The following C8orf82 variants were observed in gnomAD, a reference collection of about 807,000 sequenced individuals.
C8orf82 encodes UPF0598 protein C8orf82.
C8orf82 carries 24 observed loss-of-function variants against 15.0 expected under a neutral mutation model. The ratio of observed to expected loss-of-function variants is 1.60; its 90% CI spans 1.16 to 2.24. C8orf82 has a LOEUF of 2.24. C8orf82 is among the 30% of genes most tolerant of loss of function. The pLI is 0.00. For missense variants in C8orf82, 388 were observed against 317.4 expected (o/e 1.22, Z -1.69); for synonymous variants, 205 against 152.2 (o/e 1.35, Z -2.55).
Position 144,527,554 on chromosome 8 carries a change from G to A in C8orf82, c.439C>T (p.Pro147Ser), listed in dbSNP as rs1268116649. Residue 147 changes from proline to serine, a missense_variant, in exon 3 of 3, where the codon CCC (proline) becomes TCC (serine). Physicochemically the swap from Pro to Ser is moderately conservative, Grantham distance 74. Coordinates refer to ENST00000524821, the MANE Select transcript of C8orf82 (RefSeq NM_001001795.2). ...AVPFEPARLLPLAANGRLYHP... is the reference protein window; with the variant it reads ...AVPFEPARLLSLAANGRLYHP... ...TACAGGCGCCCGTTGGCGGCCAGGG[G>A]CAGCAGGCGCGCCGGCTCGAAGGGC... 7.0e-6 allele frequency: 10 copies of A among 1,418,998 alleles called. No homozygotes were observed. The highest frequency in any genetic ancestry group is 9.1e-6 in the Non-Finnish European group (10 of 1,095,224). The allele number at this position is 1,418,998 out of a possible 1,614,324, so 87.9% of individuals were successfully genotyped here.
At position 144,526,891 on chromosome 8, in the gene C8orf82, A is replaced by T. The variant is rs549545574; in HGVS notation, c.*451T>A. 6.6e-6 allele frequency: 1 copy of T among 152,328 alleles called. No individual in the cohort carries two copies. The highest frequency in any genetic ancestry group is 1.5e-5 in the Non-Finnish European group (1 of 68,044). The allele number at this position is 152,328 out of a possible 1,614,324, so 9.4% of individuals were successfully genotyped here. A position where few individuals can be genotyped will look rare whatever the true frequency, so the allele number is the denominator to read the frequency against. On this transcript the variant is annotated 3_prime_UTR_variant, in exon 3 of 3. Coordinates refer to ENST00000524821, the MANE Select transcript of C8orf82 (RefSeq NM_001001795.2). ...GCCCTTCTCGGAGCGCACCAGGGTC[A>T]GAGCCGGGATGGTCCCCGATCCCCC...
chr8:144,527,821 T>C (rs775142920), intron 2 of C8orf82, 34 bp from the exon 3 acceptor site: 13 of 1,587,450 alleles, frequency 8.2e-6, no homozygotes, highest in Non-Finnish European at 1.1e-5. Flanking sequence ...CTCAGCGCGC[T>C]GGGCTCCCAA....
chr8:144,526,156 T>G lies in C8orf82; in HGVS notation c.*1186A>C, dbSNP rs182482866. On this transcript the variant is annotated 3_prime_UTR_variant, in exon 3 of 3. Coordinates refer to ENST00000524821, the MANE Select transcript of C8orf82 (RefSeq NM_001001795.2). ...TGGAAAGGGACAGGACCAAGTGGCC[T>G]TGGTGTTTAAATCTTGCCCTAAATT... 4 of 152,356 alleles carry G rather than the reference T, an allele frequency of 2.6e-5. No homozygotes were observed. Among genetic ancestry groups the G allele is most frequent in the East Asian group, 1.9e-4 (1 of 5,186 alleles). The allele number at this position is 152,356 out of a possible 1,614,324, so 9.4% of individuals were successfully genotyped here. A position where few individuals can be genotyped will look rare whatever the true frequency, so the allele number is the denominator to read the frequency against.
Position 144,527,737 on chromosome 8 carries a change from C to G in C8orf82, c.256G>C (p.Gly86Arg). The G allele has an allele frequency of 1.9e-6, 3 of 1,593,348 alleles. No individual in the cohort carries two copies. Among genetic ancestry groups the G allele is most frequent in the Non-Finnish European group, 2.5e-6 (3 of 1,176,990 alleles). Residue 86 changes from glycine to arginine, a missense_variant, in exon 3 of 3, where the codon GGG (glycine) becomes CGG (arginine). Physicochemically the swap from Gly to Arg is moderately radical, Grantham distance 125 (BLOSUM62 -2). Coordinates refer to ENST00000524821, the MANE Select transcript of C8orf82 (RefSeq NM_001001795.2). ...AAGGGGAAAGCGGCCTCGTAGCGCC[C>G]GCTGCGGTTGGGTCTCAGGCGGGAG... Reference protein sequence around the residue: ...FFSRLRPNRSGRYEAAFPFLS... With the variant: ...FFSRLRPNRSRRYEAAFPFLS...
In C8orf82 at chr8:144,527,495, G is replaced by A; in HGVS notation, c.498C>T (p.Gly166=). ...CGAAGGCCAGGGCGGAGCGCACCAG[G>A]CCCACGCCGCCCGCACGCTCCGGCG... is the stretch of plus-strand genomic sequence containing the variant. ...HPAPERAGGV[G]LVRSALAFEL... Residue 166 remains glycine, a synonymous_variant, in exon 3 of 3, where the codon GGC becomes GGT. Coordinates refer to ENST00000524821, the MANE Select transcript of C8orf82 (RefSeq NM_001001795.2). 1.6e-6 allele frequency: 2 copies of A among 1,277,298 alleles called. No individual in the cohort carries two copies. Among genetic ancestry groups the A allele is most frequent in the Non-Finnish European group, 2.0e-6 (2 of 1,011,798 alleles). 79.1% of individuals were successfully genotyped at this position (1,277,298 alleles called of 1,614,324 possible).
Position 144,527,368 on chromosome 8 carries a change from GC to G in C8orf82, c.624del (p.Leu209CysfsTer250). ...CAGGGCGACCGAGCCGCGAGCAGCAGCGGGGCCAGGTCCATGGTGAGGGCGA... is the reference window on the plus strand; with the variant it reads ...CAGGGCGACCGAGCCGCGAGCAGCAGGGGGCCAGGTCCATGGTGAGGGCGA... Reference protein sequence around the residue: ...RRLALTMDLAPLLLAARSP With the variant: ...RRLALTMDLAXLLLAARSP On this transcript the variant is annotated frameshift_variant, in exon 3 of 3. Coordinates refer to ENST00000524821, the MANE Select transcript of C8orf82 (RefSeq NM_001001795.2). LOFTEE classifies it high-confidence loss of function. The G allele has an allele frequency of 8.2e-7, 1 of 1,223,250 alleles. No homozygotes were observed. The highest frequency in any genetic ancestry group is 1.0e-6 in the Non-Finnish European group (1 of 976,512). The allele number at this position is 1,223,250 out of a possible 1,614,324, so 75.8% of individuals were successfully genotyped here.
In C8orf82 at chr8:144,527,258, G is replaced by A. The variant is rs1222181160; in HGVS notation, c.*84C>T. The A allele has an allele frequency of 9.2e-6, 9 of 981,224 alleles. No individual in the cohort carries two copies. The highest frequency in any genetic ancestry group is 1.0e-5 in the Non-Finnish European group (8 of 785,792). The allele number at this position is 981,224 out of a possible 1,614,324, so 60.8% of individuals were successfully genotyped here. A position where few individuals can be genotyped will look rare whatever the true frequency, so the allele number is the denominator to read the frequency against. On this transcript the variant is annotated 3_prime_UTR_variant, in exon 3 of 3. Coordinates refer to ENST00000524821, the MANE Select transcript of C8orf82 (RefSeq NM_001001795.2). ...GCGCACTAGGCTGCCGCGAGCGCGG[G>A]TGGCGCGGGCTTTCCGGGGCGTGGA... is the stretch of plus-strand genomic sequence containing the variant.
Position 144,528,883 on chromosome 8 carries a change from CCAGGGT to C in C8orf82, c.28_33del (p.Thr10_Leu11del). 6.6e-7 allele frequency: 1 copy of C among 1,518,148 alleles called. No individual in the cohort carries two copies. Among genetic ancestry groups the C allele is most frequent in the Non-Finnish European group, 8.8e-7 (1 of 1,134,976 alleles). The allele number at this position is 1,518,148 out of a possible 1,614,324, so 94.0% of individuals were successfully genotyped here. ...CGGGCTCCCCGCGACCGCGCCAAGG[CCAGGGT>C]CCGGAGCGTCCCGCAAGGCGGCCAC... On this transcript the variant is annotated inframe_deletion, in exon 1 of 3. Transcript: ENST00000524821.
chr8:144,527,427 A>T lies in C8orf82; in HGVS notation c.566T>A (p.Leu189Gln). 8.1e-7 allele frequency: 1 copy of T among 1,237,256 alleles called. No homozygotes were observed. The highest frequency in any genetic ancestry group is 1.0e-6 in the Non-Finnish European group (1 of 987,406). The allele number at this position is 1,237,256 out of a possible 1,614,324, so 76.6% of individuals were successfully genotyped here. The change falls in exon 3 of 3, where the codon CTG becomes CAG. Residue 189 changes from leucine to glutamine, a missense_variant. By Grantham distance (113) the Leu-to-Gln change is moderately radical. Coordinates refer to ENST00000524821, the MANE Select transcript of C8orf82 (RefSeq NM_001001795.2). ...CFEYGPGAPA[L>Q]PSHVRWQGRR... ...GCCCTGCCAGCGCACGTGCGAGGGC[A>T]GCGCAGGCGCGCCGGGCCCGTACTC...
chr8:144,525,757 A>G lies in C8orf82; in HGVS notation c.*1585T>C, dbSNP rs1025886064. On this transcript the variant is annotated 3_prime_UTR_variant, in exon 3 of 3. Transcript: ENST00000524821. ...GTGCTTCCCATGCCGGTCCCCAGAA[A>G]GGTGTCCTGTCTTTGGGGATAGATG... is the stretch of plus-strand genomic sequence containing the variant. 2.0e-5 allele frequency: 3 copies of G among 152,130 alleles called. No individual in the cohort carries two copies. Among genetic ancestry groups the G allele is most frequent in the Admixed American group, 6.5e-5 (1 of 15,268 alleles). The allele number at this position is 152,130 out of a possible 1,614,324, so 9.4% of individuals were successfully genotyped here.
At position 144,527,730 on chromosome 8, in the gene C8orf82, T is replaced by C. The variant is rs1405771700; in HGVS notation, c.263A>G (p.Tyr88Cys). The C allele has an allele frequency of 1.9e-6, 3 of 1,592,688 alleles. No individual in the cohort carries two copies. The highest frequency in any genetic ancestry group is 2.2e-5 in the East Asian group (1 of 44,672). ...SRLRPNRSGRYEAAFPFLSPC... is the reference protein window; with the variant it reads ...SRLRPNRSGRCEAAFPFLSPC... The stretch of plus-strand genomic sequence containing the variant: ...CGAGAGGAAGGGGAAAGCGGCCTCG[T>C]AGCGCCCGCTGCGGTTGGGTCTCAG... Residue 88 changes from tyrosine (Y) to cysteine (C), a missense_variant, in exon 3 of 3, where the codon TAC (tyrosine) becomes TGC (cysteine). Transcript: ENST00000524821.
rs1419056695 is a variant in C8orf82, at chr8:144,528,934, A to G, written c.-18T>C. On this transcript the variant is annotated 5_prime_UTR_variant, in exon 1 of 3. Transcript: ENST00000524821. ...GGCCACATTCTCCTCCCGCGCCGGA[A>G]GCGACCAGCAGGTCACGCCGGGGGC... The G allele has an allele frequency of 6.7e-7, 1 of 1,498,476 alleles. No homozygotes were observed. Among genetic ancestry groups the G allele is most frequent in the Non-Finnish European group, 8.9e-7 (1 of 1,127,408 alleles). 92.8% of individuals were successfully genotyped at this position (1,498,476 alleles called of 1,614,324 possible).
intron 1 of C8orf82, 134 bp from the exon 2 acceptor site, chr8:144,528,206 G>A: frequency 1.3e-6 from 2 of 1,496,548 alleles, no homozygotes; most frequent in Non-Finnish European, 1.8e-6. Context: ...CACACCGCAT[G>A]CAGGGAGGCG....
rs1816475348 is a variant in C8orf82 at position 144,528,546 on chromosome 8, C to T, written c.156+215G>A. ...TGTAGGAGCCTCGGCCCGGACCGAC[C>T]CAACTCCCCGTCTTTCCAGCGCGCT... On this transcript the variant is annotated intron_variant, in intron 1 of 2. Transcript: ENST00000524821. 3.7e-6 allele frequency: 5 copies of T among 1,336,144 alleles called. No homozygotes were observed. The South Asian group carries it at 6.3e-5, about 17-fold the overall frequency. 82.8% of individuals were successfully genotyped at this position (1,336,144 alleles called of 1,614,324 possible).
chr8:144,528,487 C>G lies in C8orf82; in HGVS notation c.156+274G>C, dbSNP rs1167640953. 5 of 1,454,168 alleles carry G rather than the reference C, an allele frequency of 3.4e-6. No homozygotes were observed. The Admixed American group carries it at 9.1e-5, about 27-fold the overall frequency. 90.1% of individuals were successfully genotyped at this position (1,454,168 alleles called of 1,614,324 possible). On this transcript the variant is annotated intron_variant, in intron 1 of 2. Transcript: ENST00000524821. ...GGGCTGGGGACTTGTAGGACAGAGT[C>G]CGAAGCTGCACAACGCAGCAGGGAC... is the stretch of plus-strand genomic sequence containing the variant.
intron 2 of C8orf82, 51 bp from the exon 3 acceptor site, chr8:144,527,838 C>T (rs763809471): frequency 1.9e-6 from 3 of 1,574,442 alleles, no homozygotes; most frequent in Admixed American, 1.7e-5. Context: ...CCAAGGCCTC[C>T]GGGCCCAGGA....
At chr8:144,528,263 C>G (rs1318341408) in intron 1 of C8orf82, 191 bp from the exon 2 acceptor site, 1 of 1,500,936 alleles carries the variant, frequency 6.7e-7, no homozygotes, top group Non-Finnish European at 8.9e-7. Context: ...CGCGTCTATG[C>G]GCACCTCTGC....
Position 144,526,025 on chromosome 8 carries a change from C to G in C8orf82, c.*1317G>C, listed in dbSNP as rs1816346478. 1 of 152,168 alleles carries G rather than the reference C, an allele frequency of 6.6e-6. No individual in the cohort carries two copies. The highest frequency in any genetic ancestry group is 6.5e-5 in the Admixed American group (1 of 15,286). The allele number at this position is 152,168 out of a possible 1,614,324, so 9.4% of individuals were successfully genotyped here. On this transcript the variant is annotated 3_prime_UTR_variant, in exon 3 of 3. Coordinates refer to ENST00000524821, the MANE Select transcript of C8orf82 (RefSeq NM_001001795.2). ...TCTGGGCTAAGCCAGCCAGCCCACC[C>G]GAAGCCAGGGAAAACAGGGCTGCAG...
Position 144,527,210 on chromosome 8 carries a change from TGG to T in C8orf82, c.*130_*131del. ...CGGCAGCACCAAGGACAGCGCCGGG[TGG>T]GGGCGGGGCCGAGCGCGCAGGCGCA... On this transcript the variant is annotated 3_prime_UTR_variant, in exon 3 of 3. Coordinates refer to ENST00000524821, the MANE Select transcript of C8orf82 (RefSeq NM_001001795.2). 1 of 542,680 alleles carries T rather than the reference TGG, an allele frequency of 1.8e-6. No homozygotes were observed. The highest frequency in any genetic ancestry group is 2.5e-6 in the Non-Finnish European group (1 of 396,140). The allele number at this position is 542,680 out of a possible 1,614,324, so 33.6% of individuals were successfully genotyped here.
Sources: allele counts gnomAD v4.1 joint callset, GRCh38; gene constraint gnomAD v4.1.1; transcripts MANE v1.5; gene names NCBI Gene and HGNC (gene_info 2026-07-23, HGNC 2026-07-21).